The following SMAP2 variants were observed in gnomAD, a reference collection of about 807,000 sequenced individuals.
SMAP2 encodes the protein small ArfGAP2, also known as stromal membrane-associated protein 2.
A neutral mutation model predicts 56.4 loss-of-function variants in SMAP2; 25 were observed. The ratio of observed to expected loss-of-function variants is 0.44; its 90% CI spans 0.32 to 0.62. SMAP2 has a LOEUF of 0.62. Ranked by LOEUF, SMAP2 falls within the 20% of genes least tolerant of loss-of-function variation. SMAP2 has a pLI of 0.04. For missense variants in SMAP2, 388 were observed against 545.6 expected, an observed-to-expected ratio of 0.71 and a Z score of 2.88; for synonymous variants, 157 against 181.7, an observed-to-expected ratio of 0.86 and a Z score of 1.09.
intron 1 of SMAP2, among the ~76,000 whole-genome samples, chr1:40,398,579 T>G (rs967961649): frequency 1.3e-5 from 2 of 152,378 alleles, no homozygotes; most frequent in African/African-American, 4.8e-5. Context: ...TTCATAAAGA[T>G]GTAATAATGA....
At chr1:40,391,093 C>T (rs893712237) in intron 1 of SMAP2, among the ~76,000 whole-genome samples, 11 of 152,308 alleles carry the variant, frequency 7.2e-5, no homozygotes, top group African/African-American at 2.4e-4. Context: ...ATGCCAGTAG[C>T]TCTTCCCTAC....
upstream of SMAP2, among the ~76,000 whole-genome samples, chr1:40,372,974 G>A (rs1344413582): frequency 6.6e-6 from 1 of 152,194 alleles, no homozygotes; most frequent in Non-Finnish European, 1.5e-5. Flanking sequence ...CTGTAGCAAC[G>A]GTGGCTTTGG....
intron 4 of SMAP2, among the ~76,000 whole-genome samples, chr1:40,412,534 A>ACT (rs1404213287): frequency 6.6e-6 from 1 of 152,090 alleles, no homozygotes; most frequent in East Asian, 1.9e-4. Flanking sequence ...TAATCTGTAA[A>ACT]CTTGAAATTA....
At chr1:40,414,416 T>C (rs1026891462) in intron 6 of SMAP2, among the ~76,000 whole-genome samples, 176 bp downstream of exon 6, 1 of 152,260 alleles carries the variant, frequency 6.6e-6, no homozygotes, top group Non-Finnish European at 1.5e-5. Flanking sequence ...AAGTGTTTAC[T>C]GTGACACTTT....
intron 5 of SMAP2, chr1:40,413,864 G>T (rs1380873613): frequency 3.4e-6 from 1 of 293,948 alleles, no homozygotes; most frequent in Non-Finnish European, 6.5e-6. Flanking sequence ...ACCAAAAACT[G>T]CTGCTTCTGT....
At chr1:40,390,751 C>G (rs1231078536) in intron 1 of SMAP2, among the ~76,000 whole-genome samples, 1 of 152,162 alleles carries the variant, frequency 6.6e-6, no homozygotes, top group Non-Finnish European at 1.5e-5. Context: ...TCCAGCTGAT[C>G]CTTTCTTCTG....
At chr1:40,352,577 C>T (rs1644413467) in intron 1 of SMAP2, among the ~76,000 whole-genome samples, 1 of 151,968 alleles carries the variant, frequency 6.6e-6, no homozygotes, top group Non-Finnish European at 1.5e-5. Flanking sequence ...CTTGCTCTGT[C>T]ATCCAAGCTG....
intron 1 of SMAP2, among the ~76,000 whole-genome samples, chr1:40,388,248 G>A (rs569395656): frequency 3.9e-5 from 6 of 152,354 alleles, no homozygotes; most frequent in Non-Finnish European, 8.8e-5. Context: ...CGCACAGCGC[G>A]GGACTGGCGG....
chr1:40,377,194 G>A (rs1392278965), intron 1 of SMAP2, among the ~76,000 whole-genome samples: 1 of 152,206 alleles, frequency 6.6e-6, no homozygotes, highest in East Asian at 1.9e-4. Flanking sequence ...GCTGAGGCAG[G>A]AGGATCACCT....
At chr1:40,380,681 C>T (rs750078334) in intron 1 of SMAP2, among the ~76,000 whole-genome samples, 1 of 152,022 alleles carries the variant, frequency 6.6e-6, no homozygotes, top group Non-Finnish European at 1.5e-5. Flanking sequence ...AGACGCCTGC[C>T]ACCACACCTG....
intron 4 of SMAP2, among the ~76,000 whole-genome samples, chr1:40,410,317 T>A (rs1018697078): frequency 3.3e-5 from 5 of 152,008 alleles, no homozygotes. Context: ...AACAAACTTC[T>A]GCCTATCGGT....
At chr1:40,377,493 A>G (rs1339210225) in intron 1 of SMAP2, among the ~76,000 whole-genome samples, 1 of 152,188 alleles carries the variant, frequency 6.6e-6, no homozygotes, top group Admixed American at 6.5e-5. Flanking sequence ...AAGAAATGCT[A>G]TGATTCTCTC....
intron 1 of SMAP2, among the ~76,000 whole-genome samples, chr1:40,359,825 C>A (rs1345211003): frequency 6.6e-6 from 1 of 151,784 alleles, no homozygotes; most frequent in Non-Finnish European, 1.5e-5. Flanking sequence ...ACACTTTATC[C>A]CCCTCCTTTT....
chr1:40,416,437 G>A, intron 8 of SMAP2, 96 bp downstream of exon 8: 1 of 1,409,478 alleles, frequency 7.1e-7, no homozygotes, highest in Non-Finnish European at 9.7e-7. Context: ...TTGCTTTGGG[G>A]GCCAGGATGT....
intron 1 of SMAP2, among the ~76,000 whole-genome samples, chr1:40,387,559 A>C (rs1644669306): frequency 6.6e-6 from 1 of 152,142 alleles, no homozygotes; most frequent in African/African-American, 2.4e-5. Context: ...GAGGCAAGGA[A>C]TGGGGAATTC....
At chr1:40,411,442 A>G (rs546449748) in intron 4 of SMAP2, among the ~76,000 whole-genome samples, 5 of 152,316 alleles carry the variant, frequency 3.3e-5, no homozygotes, top group African/African-American at 1.2e-4. Flanking sequence ...TAGAGTTGCT[A>G]TTTGTACACA....
chr1:40,348,820 G>A (rs1044926160), intron 1 of SMAP2, among the ~76,000 whole-genome samples: 2 of 151,774 alleles, frequency 1.3e-5, no homozygotes, highest in Non-Finnish European at 1.5e-5. Flanking sequence ...GCCTAGGCTG[G>A]AGTATAGAGG....
chr1:40,374,728 G>T lies in SMAP2; in HGVS notation c.103+505G>T. 1 of 1,550,468 alleles carries T rather than the reference G, an allele frequency of 6.4e-7. No individual in the cohort carries two copies. The highest frequency in any genetic ancestry group is 8.7e-7 in the Non-Finnish European group (1 of 1,146,976). On this transcript the variant is annotated intron_variant, in intron 1 of 9. Coordinates refer to ENST00000372718, the MANE Select transcript of SMAP2 (RefSeq NM_022733.3). The surrounding 1 kb of genome is among the most constrained non-coding windows in gnomAD (Gnocchi z 5.9). ...TTAAAGGTGGTGATTTTTGCTTCCT[G>T]CTATTTGGTTAGCAACTCCTGTCAT...
chr1:40,416,961 G>A lies in SMAP2; in HGVS notation c.1029G>A (p.Met343Ile), dbSNP rs776983217. Reference sequence around the variant, plus strand: ...TGCCTGCAGGCTATATGGGTGGCATGCAGGCATCAATGATGGGTGTGCCGA... The same window carrying A: ...TGCCTGCAGGCTATATGGGTGGCATACAGGCATCAATGATGGGTGTGCCGA... ...MAMPAGYMGGMQASMMGVPNG... is the reference protein window; with the variant it reads ...MAMPAGYMGGIQASMMGVPNG... The change falls in exon 9 of 10, where the codon ATG becomes ATA. Residue 343 changes from methionine (M) to isoleucine (I), a missense_variant. Transcript: ENST00000372718. The A allele has an allele frequency of 1.2e-6, 2 of 1,614,220 alleles. No individual in the cohort carries two copies. Among genetic ancestry groups the A allele is most frequent in the Admixed American group, 3.3e-5 (2 of 60,028 alleles).
Sources: gnomAD v4.1 joint callset for allele counts (sites outside exome capture counted in the v4.1 genomes callset) on GRCh38, gnomAD v4.1.1 for gene constraint, Gnocchi (gnomAD v3.1) non-coding constraint, MANE v1.5 for transcripts, NCBI Gene and HGNC (gene_info 2026-07-23, HGNC 2026-07-21) for gene names.